The following SORBS2 variants were observed in gnomAD, a reference collection of about 807,000 sequenced individuals.
SORBS2 encodes the protein sorbin and SH3 domain containing 2.
A neutral mutation model predicts 97.7 loss-of-function variants in SORBS2; 46 were observed. That is an observed-to-expected ratio of 0.47 (90% CI 0.37 to 0.60). The LOEUF is 0.60. Ranked by LOEUF, SORBS2 falls within the 20% of genes least tolerant of loss-of-function variation. The pLI is 0.00. For missense variants in SORBS2, 1,316 were observed against 1,282.3 expected, an observed-to-expected ratio of 1.03 and a Z score of -0.40; for synonymous variants, 476 against 473.4, an observed-to-expected ratio of 1.01 and a Z score of -0.07.
intron 12 of SORBS2, 125 bp from the exon 25 acceptor site, chr4:185,594,060 GAA>G (rs1209966378): frequency 1.5e-6 from 1 of 653,606 alleles, no homozygotes; most frequent in African/African-American, 1.9e-5. Flanking sequence ...CCAAGAGGAA[GAA>G]AAAAACCAAA....
chr4:185,712,578 T>C (rs1163943127), intron 2 of SORBS2, among the ~76,000 whole-genome samples: 1 of 152,238 alleles, frequency 6.6e-6, no homozygotes, highest in Non-Finnish European at 1.5e-5. Context: ...ACTAAGCTGT[T>C]AACACTTAAG....
intron 2 of SORBS2, among the ~76,000 whole-genome samples, chr4:185,738,886 T>C (rs1376079864): frequency 3.3e-5 from 5 of 152,210 alleles, no homozygotes; most frequent in African/African-American, 1.2e-4. Flanking sequence ...TCAAGAAGAA[T>C]TGATTGGTGT....
At position 185,876,118 on chromosome 4, in the gene SORBS2, G is replaced by GT. The variant is rs56407598; in HGVS notation, c.-338+80077dup. ...CAAGCTTTAGGATTTAAATTTTTTT[G>GT]TTTTTTTTTGAGATGGAGTCCCACT... is the stretch of plus-strand genomic sequence containing the variant. On this transcript the variant is annotated intron_variant, in intron 1 of 20. Coordinates refer to the SORBS2 transcript ENST00000284776. Among the ~76,000 whole-genome samples, 48 of 130,574 alleles carry GT rather than the reference G, an allele frequency of 3.7e-4. 1 individual carries two copies. Among genetic ancestry groups the GT allele is most frequent in the Middle Eastern group, 4.0e-3 (1 of 250 alleles). 85.7% of individuals were successfully genotyped at this position (130,574 alleles called of 152,430 possible).
At chr4:185,949,018 A>T (rs2099275905) in intron 1 of SORBS2, among the ~76,000 whole-genome samples, 1 of 152,120 alleles carries the variant, frequency 6.6e-6, no homozygotes, top group Non-Finnish European at 1.5e-5. Context: ...AAGAATTATC[A>T]CCGAGAAGAA....
chr4:185,645,618 C>T (rs185282876), intron 4 of SORBS2: 10 of 152,310 alleles, frequency 6.6e-5, no homozygotes, highest in South Asian at 2.1e-4. Context: ...TCCAATTAAA[C>T]CACAGGGCTG....
At position 185,890,339 on chromosome 4, in the gene SORBS2, A is replaced by G. The variant is rs1209644296; in HGVS notation, c.-338+65857T>C. 2.6e-5 allele frequency among the ~76,000 whole-genome samples: 4 copies of G among 152,174 alleles called. No individual in the cohort carries two copies. The South Asian group carries it at 8.3e-4, about 31-fold the overall frequency. Reference sequence around the variant, plus strand: ...TTACAGTACAGAAGTCACCGTGGCTAACATCTATGGAATTCTGGTATGTTC... The same window carrying G: ...TTACAGTACAGAAGTCACCGTGGCTGACATCTATGGAATTCTGGTATGTTC... On this transcript the variant is annotated intron_variant, in intron 1 of 20. Transcript: ENST00000284776.
At chr4:185,641,760 T>TAAA (rs772924602) in intron 4 of SORBS2, among the ~76,000 whole-genome samples, 40 of 142,424 alleles carry the variant, frequency 2.8e-4, no homozygotes, top group Non-Finnish European at 5.2e-4. Context: ...TTCTTTTCAT[T>TAAA]AAAAAAAAAA....
chr4:185,684,184 G>A lies in SORBS2; in HGVS notation c.-197-5362C>T, dbSNP rs764054365. ...TAACTTCGGTACTGTGGCTTAGGTA[G>A]TCACAACAGAGATTTATTAAAAAGA... is the stretch of plus-strand genomic sequence containing the variant. On this transcript the variant is annotated intron_variant, in intron 2 of 20. Transcript: ENST00000284776. This position sits in a 1 kb window ranked among gnomAD's most constrained non-coding sequence, Gnocchi z 4.2. 1.3e-5 allele frequency among the ~76,000 whole-genome samples: 2 copies of A among 152,186 alleles called. No individual in the cohort carries two copies. Among genetic ancestry groups the A allele is most frequent in the African/African-American group, 2.4e-5 (1 of 41,432 alleles).
At chr4:185,730,877 C>G (rs894798466) in intron 2 of SORBS2, among the ~76,000 whole-genome samples, 3 of 152,156 alleles carry the variant, frequency 2.0e-5, no homozygotes, top group Non-Finnish European at 4.4e-5. Flanking sequence ...AAGGCTGCAG[C>G]CTGACGTAGC....
At chr4:185,914,179 A>G (rs1168393369) in intron 1 of SORBS2, among the ~76,000 whole-genome samples, 1 of 152,198 alleles carries the variant, frequency 6.6e-6, no homozygotes. Flanking sequence ...AACCATCTAT[A>G]AACAAACTCA....
intron 1 of SORBS2, among the ~76,000 whole-genome samples, chr4:185,940,423 A>C (rs974778261): frequency 6.6e-6 from 1 of 152,036 alleles, no homozygotes; most frequent in Non-Finnish European, 1.5e-5. Flanking sequence ...ACCATCATAC[A>C]TTGCAATCCT....
At chr4:185,917,074 A>G (rs12650520) in intron 1 of SORBS2, among the ~76,000 whole-genome samples, 101,513 of 152,000 alleles carry the variant, frequency 0.67, 34,862 homozygotes, top group Middle Eastern at 0.82. Flanking sequence ...TCTAACAAAT[A>G]CTCTATAAAG....
intron 4 of SORBS2, chr4:185,666,306 C>T: frequency 1.8e-6 from 1 of 570,864 alleles, no homozygotes. Context: ...GTTTTATTTG[C>T]AAGCACTTTA....
At chr4:185,634,207 G>C (rs1270668051) in intron 4 of SORBS2, among the ~76,000 whole-genome samples, 4 of 152,094 alleles carry the variant, frequency 2.6e-5, no homozygotes, top group Non-Finnish European at 2.9e-5. Context: ...ATTTGAAATT[G>C]CAAGTTGAGA....
rs36055043 is a variant in SORBS2 at position 185,814,553 on chromosome 4, A to AAAACAAAC, written c.-337-39195_-337-39188dup. ...AGACTCTGTCTCTGTTTTTAGTAGCAAAACAAACAAACAAACAAACAAACA... is the reference window on the plus strand; with the variant it reads ...AGACTCTGTCTCTGTTTTTAGTAGCAAAACAAACAAACAAACAAACAAACAAACAAACA... On this transcript the variant is annotated intron_variant, in intron 1 of 20. Transcript: ENST00000284776. Among the ~76,000 whole-genome samples the AAAACAAAC allele has an allele frequency of 2.8e-3, 424 of 151,256 alleles. 6 individuals carry two copies. In the East Asian group the frequency reaches 0.04, roughly 14 times the overall value.
intron 5 of SORBS2, among the ~76,000 whole-genome samples, chr4:185,628,376 G>T (rs35435955): frequency 0.2 from 30,282 of 150,494 alleles, 3,389 homozygotes; most frequent in Non-Finnish European, 0.25. Context: ...CTCACCTCAA[G>T]GGTTGCCTGC....
chr4:185,919,059 CT>C (rs756661398), intron 1 of SORBS2, among the ~76,000 whole-genome samples: 99 of 152,172 alleles, frequency 6.5e-4, no homozygotes, highest in Admixed American at 1.2e-3. Context: ...ATTTGCATAG[CT>C]CTCTTAGAAC....
At chr4:185,908,523 C>G (rs553941318) in intron 1 of SORBS2, among the ~76,000 whole-genome samples, 1 of 149,720 alleles carries the variant, frequency 6.7e-6, no homozygotes, top group Non-Finnish European at 1.5e-5. Flanking sequence ...TAAATCAAAA[C>G]GCTTAGAAAG....
chr4:185,647,654 C>T (rs2097234959), intron 3 of SORBS2, among the ~76,000 whole-genome samples: 1 of 152,110 alleles, frequency 6.6e-6, no homozygotes, highest in Admixed American at 6.6e-5. Flanking sequence ...TAGAAATACT[C>T]TAAGAGACAG....
Sources: gnomAD v4.1 joint callset for allele counts (sites outside exome capture counted in the v4.1 genomes callset) on GRCh38, gnomAD v4.1.1 for gene constraint, Gnocchi (gnomAD v3.1) non-coding constraint, MANE v1.5 for transcripts, NCBI Gene and HGNC (gene_info 2026-07-23, HGNC 2026-07-21) for gene names.